PDZD9: variants seen among roughly 807,000 people sequenced by gnomAD.
PDZD9 encodes the protein PDZ domain containing 9.
In PDZD9, 13 loss-of-function variants were observed where a neutral mutation model predicts 16.3. That is an observed-to-expected ratio of 0.80 (90% confidence interval 0.52 to 1.27). The LOEUF (loss-of-function observed/expected upper bound fraction) is 1.27, where lower values mean the gene tolerates loss of function less well. Ranked by LOEUF, PDZD9 falls within the 50% of genes most tolerant of loss-of-function variation. The probability of loss-of-function intolerance (pLI) is 0.00; values close to 1 mark genes in which losing one functional copy is unlikely to be tolerated. For missense variants in PDZD9, 288 were observed against 310.9 expected, an observed-to-expected ratio of 0.93 and a Z score of 0.55; for synonymous variants, 120 against 111.0, an observed-to-expected ratio of 1.08 and a Z score of -0.51.
the PDZD9 span, chr16:21,962,897 TC>T: frequency 6.2e-7 from 1 of 1,611,998 alleles, no homozygotes; most frequent in Non-Finnish European, 8.5e-7. Flanking sequence ...TAAGTACATT[TC>T]CAGATCACAT....
the PDZD9 span, among the ~76,000 whole-genome samples, chr16:21,973,573 C>A: frequency 6.6e-6 from 1 of 152,110 alleles, no homozygotes; most frequent in African/African-American, 2.4e-5. Flanking sequence ...ATGCCAAAGC[C>A]TATCTATATT....
the PDZD9 span, among the ~76,000 whole-genome samples, chr16:21,978,089 A>G: frequency 2.0e-5 from 3 of 152,194 alleles, no homozygotes; most frequent in Non-Finnish European, 4.4e-5. Flanking sequence ...AGGTATGGTA[A>G]TAAGCAGAAA....
At chr16:21,991,615 TA>T (rs1456577279) in intron 2 of PDZD9, among the ~76,000 whole-genome samples, 6 of 152,102 alleles carry the variant, frequency 3.9e-5, no homozygotes, top group Admixed American at 3.9e-4. Flanking sequence ...TTAGCCAGAA[TA>T]AACTAACACT....
chr16:21,988,928 CTTTTTTTTTT>C, intron 2 of PDZD9, 137 bp from the exon 3 acceptor site: 2 of 345,502 alleles, frequency 5.8e-6, no homozygotes, highest in Non-Finnish European at 9.6e-6. Context: ...AGGCTTCAGC[CTTTTTTTTTT>C]TTTTTTTTTT....
intron 1 of PDZD9, 135 bp from the exon 2 acceptor site, chr16:21,996,636 G>C (rs991956394): frequency 8.9e-6 from 8 of 902,648 alleles, no homozygotes; most frequent in African/African-American, 1.7e-5. Flanking sequence ...AGTAAAATGA[G>C]GATAAAAATG....
intron 1 of PDZD9, 67 bp downstream of exon 1, chr16:22,000,950 A>G (rs1292680785): frequency 1.3e-6 from 2 of 1,487,636 alleles, no homozygotes; most frequent in Non-Finnish European, 1.8e-6. Context: ...GCCATTTTAC[A>G]GAGGAGGAAC....
intron 1 of PDZD9, among the ~76,000 whole-genome samples, chr16:21,998,139 G>T (rs1899196259): frequency 6.6e-6 from 1 of 152,200 alleles, no homozygotes; most frequent in Non-Finnish European, 1.5e-5. Context: ...CGCCCTGCCT[G>T]AGCCTCTGGT....
In PDZD9 at chr16:21,984,605, T is replaced by C; in HGVS notation, c.457A>G (p.Asn153Asp). The change falls in exon 4 of 4, where the codon AAT becomes GAT. Residue 153 changes from asparagine (N) to aspartate (D), a missense_variant. Transcript: ENST00000424898. ...CTTTTATCTAAATCTACATTTTCATTATCATCACTGCTTGTGAAAGATTCA... is the reference window on the plus strand; with the variant it reads ...CTTTTATCTAAATCTACATTTTCATCATCATCACTGCTTGTGAAAGATTCA... ...KDESFTSSDD[N>D]ENVDLDKRLQ... 1 of 1,545,662 alleles carries C rather than the reference T, an allele frequency of 6.5e-7. No homozygotes were observed. Among genetic ancestry groups the C allele is most frequent in the Non-Finnish European group, 8.7e-7 (1 of 1,143,480 alleles).
chr16:21,988,336 G>A (rs1392289596), intron 3 of PDZD9, among the ~76,000 whole-genome samples: 3 of 151,950 alleles, frequency 2.0e-5, no homozygotes, highest in Admixed American at 6.6e-5. Context: ...GGGCTGACTC[G>A]GGAAAGAGGG....
the PDZD9 span, chr16:21,962,169 C>G: frequency 2.9e-6 from 1 of 349,448 alleles, no homozygotes; most frequent in Non-Finnish European, 5.3e-6. Context: ...TAGAATCATA[C>G]AATATTTGTC....
the PDZD9 span, among the ~76,000 whole-genome samples, chr16:21,970,690 A>G: frequency 6.6e-6 from 1 of 152,114 alleles, no homozygotes; most frequent in Non-Finnish European, 1.5e-5. Flanking sequence ...GGTTCAAGCA[A>G]TTCTCCGGCC....
chr16:21,995,261 A>G (rs1899119488), intron 2 of PDZD9: 1 of 457,094 alleles, frequency 2.2e-6, no homozygotes, highest in Admixed American at 2.4e-5. Context: ...ACCTTCTGCC[A>G]TGATTGTAAG....
the PDZD9 span, among the ~76,000 whole-genome samples, chr16:21,971,214 A>G: frequency 0.073 from 11,183 of 152,250 alleles, 632 homozygotes; most frequent in South Asian, 0.25. Flanking sequence ...TCACTTAGAA[A>G]TTTGTAAATT....
chr16:21,958,439 T>C, the PDZD9 span: 23 of 1,102,324 alleles, frequency 2.1e-5, no homozygotes, highest in Admixed American at 2.1e-4. Context: ...AGTAAAATTC[T>C]TTTTAAATCT....
At chr16:22,000,896 C>A in intron 1 of PDZD9, 121 bp downstream of exon 1, 1 of 895,670 alleles carries the variant, frequency 1.1e-6, no homozygotes. Context: ...ATGATAACAA[C>A]AACGATGGAG....
At chr16:21,975,694 A>G in the PDZD9 span, among the ~76,000 whole-genome samples, 4 of 152,090 alleles carry the variant, frequency 2.6e-5, no homozygotes, top group African/African-American at 9.7e-5. Flanking sequence ...ATGGATTACT[A>G]CTCTCTTCTT....
chr16:21,962,446 A>G, the PDZD9 span: 6 of 1,613,872 alleles, frequency 3.7e-6, no homozygotes, highest in South Asian at 3.3e-5. Flanking sequence ...ACTCTAGTTT[A>G]TTTTCCGATT....
the PDZD9 span, chr16:21,977,054 T>C: frequency 1.3e-5 from 2 of 152,164 alleles, no homozygotes; most frequent in Non-Finnish European, 2.9e-5. Context: ...TATGTGTGTA[T>C]GTTTAAATAA....
chr16:21,996,582 T>C (rs373249817), intron 1 of PDZD9, 81 bp from the exon 2 acceptor site: 1 of 1,259,258 alleles, frequency 7.9e-7, no homozygotes, highest in Admixed American at 2.6e-5. Flanking sequence ...TGAAGCCAGA[T>C]CCCTGGGACA....
Sources: allele counts gnomAD v4.1 joint callset (sites outside exome capture counted in the v4.1 genomes callset), GRCh38; gene constraint gnomAD v4.1.1; transcripts MANE v1.5; gene names NCBI Gene and HGNC (gene_info 2026-07-23, HGNC 2026-07-21).